AGMO: variants seen among roughly 807,000 people sequenced by gnomAD.
AGMO encodes alkylglycerol monooxygenase, also known as glyceryl-ether monooxygenase.
AGMO carries 75 observed loss-of-function variants against 60.2 expected under a neutral mutation model. That is an observed-to-expected ratio of 1.25 (90% CI 1.03 to 1.51). The LOEUF (loss-of-function observed/expected upper bound fraction) is 1.51. Among genes scored for constraint, AGMO ranks in the 40% most tolerant of loss-of-function variants. The pLI, the probability that AGMO is intolerant of heterozygous loss-of-function variation, is 0.00. For missense variants in AGMO, 763 were observed against 525.5 expected (o/e 1.45, Z -4.42); for synonymous variants, 261 against 177.1 (o/e 1.47, Z -3.76).
At chr7:15,350,787 G>A (rs921049241) in intron 12 of AGMO, among the ~76,000 whole-genome samples, 3 of 152,130 alleles carry the variant, frequency 2.0e-5, no homozygotes, top group African/African-American at 7.2e-5. Context: ...GTTAAAGGCT[G>A]TGTATAGTTT....
chr7:15,475,641 C>T (rs1013029072), intron 3 of AGMO, among the ~76,000 whole-genome samples: 2 of 151,626 alleles, frequency 1.3e-5, no homozygotes, highest in Non-Finnish European at 2.9e-5. Context: ...ACCTATGTAA[C>T]AAATCTGCAT....
rs1205454324 is a variant in AGMO, at chr7:15,258,807, A to G, written c.1264-57448T>C. On this transcript the variant is annotated intron_variant, in intron 12 of 12. Transcript: ENST00000342526. ...AGCCCTGTAGCTCTGCTGGGTGGCT[A>G]GACTCAGAAGAGCAAAAACAATCAC... 7.2e-5 allele frequency among the ~76,000 whole-genome samples: 11 copies of G among 152,208 alleles called. No homozygotes were observed. In the East Asian group the frequency reaches 2.2e-3, roughly 30 times the overall value.
intron 12 of AGMO, among the ~76,000 whole-genome samples, chr7:15,229,493 T>A (rs1385181270): frequency 1.5e-5 from 2 of 133,916 alleles, no homozygotes; most frequent in African/African-American, 6.2e-5. Flanking sequence ...CATCTACACA[T>A]CCCCTCATCC....
intron 3 of AGMO, among the ~76,000 whole-genome samples, chr7:15,448,361 G>A (rs1282089368): frequency 6.6e-6 from 1 of 152,126 alleles, no homozygotes; most frequent in Non-Finnish European, 1.5e-5. Flanking sequence ...TGAGAAGATG[G>A]TCATCTATGG....
the AGMO span, among the ~76,000 whole-genome samples, chr7:15,192,952 GAATA>G: frequency 6.6e-6 from 1 of 152,120 alleles, no homozygotes; most frequent in African/African-American, 2.4e-5. Flanking sequence ...GACATAAACA[GAATA>G]ATTATTCTTA....
chr7:15,216,037 G>A (rs1407686761), intron 12 of AGMO, among the ~76,000 whole-genome samples: 2 of 152,038 alleles, frequency 1.3e-5, no homozygotes, highest in Non-Finnish European at 2.9e-5. Flanking sequence ...ACAGTACACT[G>A]AGGTGAGCCA....
chr7:15,270,016 G>A (rs1039397667), intron 12 of AGMO, among the ~76,000 whole-genome samples: 3 of 152,006 alleles, frequency 2.0e-5, no homozygotes, highest in East Asian at 1.9e-4. Flanking sequence ...AACCACTGAT[G>A]GGCATCTTAG....
intron 5 of AGMO, among the ~76,000 whole-genome samples, chr7:15,403,413 G>A (rs1015338969): frequency 6.6e-6 from 1 of 151,850 alleles, no homozygotes; most frequent in Non-Finnish European, 1.5e-5. Context: ...TGAGTACAAG[G>A]TACTGCAGTA....
At chr7:15,309,190 C>G (rs1472406999) in intron 12 of AGMO, among the ~76,000 whole-genome samples, 4 of 152,118 alleles carry the variant, frequency 2.6e-5, no homozygotes, top group African/African-American at 9.7e-5. Context: ...GGGGGAACAT[C>G]TTAATTGCAA....
At chr7:15,283,502 T>C (rs1022720652) in intron 12 of AGMO, among the ~76,000 whole-genome samples, 2 of 152,050 alleles carry the variant, frequency 1.3e-5, no homozygotes, top group African/African-American at 4.8e-5. Flanking sequence ...CATTATATAA[T>C]GATAAAATGA....
chr7:15,247,457 C>CAGAGAGAGAGAGAGAG (rs1264615405), intron 12 of AGMO, among the ~76,000 whole-genome samples: 1 of 119,412 alleles, frequency 8.4e-6, no homozygotes, highest in African/African-American at 3.5e-5. Flanking sequence ...CACACACACA[C>CAGAGAGAGAGAGAGAG]ACAGAGAGAG....
chr7:15,543,342 C>T (rs1207749886), intron 3 of AGMO, among the ~76,000 whole-genome samples: 1 of 152,162 alleles, frequency 6.6e-6, no homozygotes, highest in Non-Finnish European at 1.5e-5. Flanking sequence ...TAGATTTGTT[C>T]CTCATTCTTC....
chr7:15,127,420 GTAAA>G, the AGMO span, among the ~76,000 whole-genome samples: 1 of 151,904 alleles, frequency 6.6e-6, no homozygotes, highest in Non-Finnish European at 1.5e-5. Context: ...CGAGTAATAC[GTAAA>G]TAAATCTTCA....
intron 3 of AGMO, among the ~76,000 whole-genome samples, chr7:15,474,376 G>C (rs1280050026): frequency 6.6e-6 from 1 of 152,104 alleles, no homozygotes; most frequent in Admixed American, 6.6e-5. Flanking sequence ...GAACAGAACA[G>C]AGGCCTCAGA....
chr7:15,272,045 T>C (rs1343409095), intron 12 of AGMO, among the ~76,000 whole-genome samples: 4 of 152,176 alleles, frequency 2.6e-5, no homozygotes, highest in Non-Finnish European at 4.4e-5. Context: ...TCATGATGAA[T>C]TATCTTTTTG....
intron 3 of AGMO, among the ~76,000 whole-genome samples, chr7:15,439,728 G>A (rs1404196855): frequency 2.0e-5 from 3 of 152,012 alleles, no homozygotes; most frequent in African/African-American, 7.3e-5. Flanking sequence ...TATTATTGTG[G>A]ACCAAAGACC....
rs532948238 is a variant in AGMO at position 15,547,725 on chromosome 7, A to T, written c.258-2802T>A. ...GTCTGAGATCAAACTGCAAGGCGGC[A>T]GCGAGGCTGGGGGAGGGGCGCCCGC... On this transcript the variant is annotated intron_variant, in intron 2 of 12. Transcript: ENST00000342526. Among the ~76,000 whole-genome samples, 8 of 152,072 alleles carry T rather than the reference A, an allele frequency of 5.3e-5. No individual in the cohort carries two copies. The East Asian group carries it at 1.6e-3, about 29-fold the overall frequency.
chr7:15,300,720 A>T (rs1784540751), intron 12 of AGMO, among the ~76,000 whole-genome samples: 4 of 152,200 alleles, frequency 2.6e-5, no homozygotes, highest in Admixed American at 2.6e-4. Context: ...TGGCATGAGA[A>T]AGAGTAAAAC....
rs552541711 is a variant in AGMO, at chr7:15,406,405, G to C, written c.609+12153C>G. Among the ~76,000 whole-genome samples, 993 of 133,514 alleles carry C rather than the reference G, an allele frequency of 7.4e-3. 5 individuals are homozygous for C. Among genetic ancestry groups the C allele is most frequent in the African/African-American group, 0.027 (940 of 34,476 alleles). 87.6% of individuals were successfully genotyped at this position (133,514 alleles called of 152,430 possible). ...ATATACATATATATGTATTCCATAT[G>C]TGTATATATACACATATATACATAT... On this transcript the variant is annotated intron_variant, in intron 5 of 12. Coordinates refer to ENST00000342526, the MANE Select transcript of AGMO (RefSeq NM_001004320.2).
Sources: gnomAD v4.1 joint callset for allele counts (sites outside exome capture counted in the v4.1 genomes callset) on GRCh38, gnomAD v4.1.1 for gene constraint, MANE v1.5 for transcripts, NCBI Gene and HGNC (gene_info 2026-07-23, HGNC 2026-07-21) for gene names.